ADAMTS17: variants seen among roughly 807,000 people sequenced by gnomAD.
ADAMTS17 encodes the protein ADAM metallopeptidase with thrombospondin type 1 motif 17, also known as A disintegrin and metalloproteinase with thrombospondin motifs 17.
ADAMTS17 carries 113 observed loss-of-function variants against 141.5 expected under a neutral mutation model. The ratio of observed to expected loss-of-function variants is 0.80; its 90% CI spans 0.69 to 0.93. ADAMTS17 has a LOEUF of 0.93. Among genes scored for constraint, ADAMTS17 ranks in the 40% least tolerant of loss-of-function variants. The probability of loss-of-function intolerance (pLI) is 0.00; values close to 1 mark genes in which losing one functional copy is unlikely to be tolerated. For synonymous variants in ADAMTS17, 768 were observed against 630.6 expected (o/e 1.22, Z -3.27); for missense variants, 1,659 against 1,517.9 (o/e 1.09, Z -1.54).
At chr15:100,147,953 T>C (rs2038987246) in intron 10 of ADAMTS17, among the ~76,000 whole-genome samples, 1 of 152,262 alleles carries the variant, frequency 6.6e-6, no homozygotes. Context: ...TTCCTCGCCT[T>C]TTCCAGCTTC....
intron 15 of ADAMTS17, among the ~76,000 whole-genome samples, chr15:100,090,485 A>G (rs2035388533): frequency 6.6e-6 from 1 of 152,148 alleles, no homozygotes; most frequent in Non-Finnish European, 1.5e-5. Flanking sequence ...CAGCTGATGC[A>G]TGGTATCCAC....
At chr15:100,065,618 T>C (rs922706517) in intron 15 of ADAMTS17, among the ~76,000 whole-genome samples, 8 of 152,210 alleles carry the variant, frequency 5.3e-5, no homozygotes, top group East Asian at 1.9e-4. Context: ...CATGATGTCA[T>C]AGGAGTGCTT....
chr15:100,157,940 G>A (rs2039511438), intron 8 of ADAMTS17, among the ~76,000 whole-genome samples: 1 of 149,552 alleles, frequency 6.7e-6, no homozygotes, highest in African/African-American at 2.5e-5. Context: ...CCAGGCTGGA[G>A]TGCAGTGGCA....
intron 18 of ADAMTS17, among the ~76,000 whole-genome samples, chr15:100,003,405 A>C (rs533044829): frequency 6.6e-6 from 1 of 152,152 alleles, no homozygotes; most frequent in South Asian, 2.1e-4. Flanking sequence ...GCTCTGCCTC[A>C]GGGTTGGGGA....
At chr15:100,338,406 T>C (rs376588136) in intron 2 of ADAMTS17, among the ~76,000 whole-genome samples, 1 of 152,140 alleles carries the variant, frequency 6.6e-6, no homozygotes, top group South Asian at 2.1e-4. Flanking sequence ...TACTGAGCCC[T>C]TTAGGAGATG....
At chr15:100,028,390 G>A (rs1466096380) in intron 18 of ADAMTS17, among the ~76,000 whole-genome samples, 1 of 152,134 alleles carries the variant, frequency 6.6e-6, no homozygotes, top group Non-Finnish European at 1.5e-5. Flanking sequence ...TCAGACCACT[G>A]GCTCTGCTCT....
intron 7 of ADAMTS17, among the ~76,000 whole-genome samples, chr15:100,211,099 CAAAT>C (rs372084235): frequency 0.033 from 4,297 of 131,824 alleles, 140 homozygotes; most frequent in African/African-American, 0.085. Context: ...GACTCAGTCT[CAAAT>C]AAATAAATAA....
At chr15:100,175,054 C>G (rs2040288082) in intron 8 of ADAMTS17, among the ~76,000 whole-genome samples, 4 of 152,186 alleles carry the variant, frequency 2.6e-5, no homozygotes, top group Admixed American at 2.6e-4. Context: ...ATCTCCCAGT[C>G]CTGCCCGCCA....
chr15:100,230,178 GTTTGGGC>G (rs538726426), intron 7 of ADAMTS17, among the ~76,000 whole-genome samples: 139 of 152,334 alleles, frequency 9.1e-4, no homozygotes, highest in Non-Finnish European at 1.5e-3. Context: ...TTTCTCCGCA[GTTTGGGC>G]TTGCAGAAGA....
intron 3 of ADAMTS17, among the ~76,000 whole-genome samples, chr15:100,304,894 A>G (rs1490686408): frequency 6.6e-6 from 1 of 152,218 alleles, no homozygotes; most frequent in Non-Finnish European, 1.5e-5. Flanking sequence ...AAGGATGAAG[A>G]TCTTTGTAAT....
chr15:99,998,610 A>C (rs573788844), intron 18 of ADAMTS17, among the ~76,000 whole-genome samples: 2 of 152,224 alleles, frequency 1.3e-5, no homozygotes, highest in South Asian at 4.1e-4. Flanking sequence ...TCCCCCAAAA[A>C]ATAAAAACAA....
At chr15:100,036,154 A>T (rs550997299) in intron 18 of ADAMTS17, among the ~76,000 whole-genome samples, 13 of 152,338 alleles carry the variant, frequency 8.5e-5, no homozygotes, top group African/African-American at 3.1e-4. Flanking sequence ...TGGGAATGGC[A>T]GCCATGGTGG....
At chr15:100,203,534 T>C (rs1322397073) in intron 7 of ADAMTS17, among the ~76,000 whole-genome samples, 1 of 152,140 alleles carries the variant, frequency 6.6e-6, no homozygotes, top group Non-Finnish European at 1.5e-5. Flanking sequence ...TGAAACCCCA[T>C]CTCTACTAAA....
intron 8 of ADAMTS17, among the ~76,000 whole-genome samples, chr15:100,196,003 G>A (rs549305017): frequency 1.5e-4 from 23 of 152,164 alleles, no homozygotes; most frequent in Non-Finnish European, 2.9e-4. Context: ...ACTCAATGGC[G>A]TGATAAACAC....
chr15:99,975,983 A>G, intron 21 of ADAMTS17, 62 bp downstream of exon 21: 1 of 1,496,592 alleles, frequency 6.7e-7, no homozygotes, highest in Non-Finnish European at 9.0e-7. Flanking sequence ...ACCGTCAGGG[A>G]GGACTTACTG....
At chr15:100,093,879 C>T (rs8038333) in intron 15 of ADAMTS17, among the ~76,000 whole-genome samples, 30,578 of 151,706 alleles carry the variant, frequency 0.2, 3,696 homozygotes, top group East Asian at 0.52. Context: ...ATAACCATTG[C>T]GTGATTGGGC....
intron 9 of ADAMTS17, 132 bp from the exon 10 acceptor site, chr15:100,152,894 C>T (rs2039246639): frequency 9.3e-6 from 8 of 859,488 alleles, no homozygotes; most frequent in Non-Finnish European, 1.1e-5. Flanking sequence ...AAAAAGGACG[C>T]AGGCACTGGA....
intron 8 of ADAMTS17, among the ~76,000 whole-genome samples, chr15:100,195,262 C>A (rs575353972): frequency 6.6e-6 from 1 of 152,190 alleles, no homozygotes; most frequent in Non-Finnish European, 1.5e-5. Flanking sequence ...GACTTGCCAT[C>A]CCCCAGCTCG....
At chr15:100,224,151 C>T (rs1596313087) in intron 7 of ADAMTS17, among the ~76,000 whole-genome samples, 1 of 152,304 alleles carries the variant, frequency 6.6e-6, no homozygotes, top group Non-Finnish European at 1.5e-5. Context: ...CCCACACAGA[C>T]ACACCCAGGA....
Sources: allele counts gnomAD v4.1 joint callset (sites outside exome capture counted in the v4.1 genomes callset), GRCh38; gene constraint gnomAD v4.1.1; transcripts MANE v1.5; gene names NCBI Gene and HGNC (gene_info 2026-07-23, HGNC 2026-07-21).